The following SCCPDH variants were observed in gnomAD, a reference collection of about 807,000 sequenced individuals.
The protein encoded by SCCPDH is saccharopine dehydrogenase-like oxidoreductase.
Under a neutral mutation model 51.5 loss-of-function variants are expected in SCCPDH, and 34 were observed. The observed-to-expected ratio is 0.66, with a 90% CI of 0.50 to 0.88. The LOEUF is 0.88. Among genes scored for constraint, SCCPDH ranks in the 40% least tolerant of loss-of-function variants. The pLI, the probability that SCCPDH is intolerant of heterozygous loss-of-function variation, is 0.00. For synonymous variants in SCCPDH, 187 were observed against 191.3 expected (o/e 0.98, Z 0.19); for missense variants, 464 against 527.1 (o/e 0.88, Z 1.17).
intron 4 of SCCPDH, among the ~76,000 whole-genome samples, chr1:246,742,712 C>T (rs1668698847): frequency 6.6e-6 from 1 of 152,154 alleles, no homozygotes; most frequent in African/African-American, 2.4e-5. Flanking sequence ...TGTAAGGCCC[C>T]ATGTTTTAAT....
intron 5 of SCCPDH, among the ~76,000 whole-genome samples, chr1:246,745,229 G>C (rs192430601): frequency 6.6e-6 from 1 of 152,286 alleles, no homozygotes; most frequent in African/African-American, 2.4e-5. Flanking sequence ...TTGCATTTCT[G>C]GGAAAGGACC....
rs3007322 is a variant in SCCPDH at position 246,740,352 on chromosome 1, G to T, written c.514+51G>T. On this transcript the variant is annotated intron_variant, in intron 4 of 11. Coordinates refer to ENST00000366510, the MANE Select transcript of SCCPDH (RefSeq NM_016002.3). ...TGGAATTTAACAGTACCGTGCAAAG[G>T]CTTCATGTTTCTAACTGTGGTGAAC... The T allele has an allele frequency of 1.4e-4, 211 of 1,460,990 alleles. 1 individual carries two copies. In the African/African-American group the frequency reaches 2.8e-3, roughly 19 times the overall value. The allele number at this position is 1,460,990 out of a possible 1,614,324, so 90.5% of individuals were successfully genotyped here.
At chr1:246,730,127 A>T (rs1352173839) in intron 2 of SCCPDH, among the ~76,000 whole-genome samples, 1 of 151,962 alleles carries the variant, frequency 6.6e-6, no homozygotes, top group Non-Finnish European at 1.5e-5. Flanking sequence ...AAGAATTCTC[A>T]TGACTCACTA....
In SCCPDH at chr1:246,767,318, T is replaced by C; in HGVS notation, c.*18T>C. On this transcript the variant is annotated 3_prime_UTR_variant, in exon 12 of 12. Transcript: ENST00000366510. The stretch of plus-strand genomic sequence containing the variant: ...AAGTCTAAACACTGGAAGAATTAAC[T>C]GAAGTCATAACGTGCGTGAATTAAC... The C allele has an allele frequency of 6.8e-7, 1 of 1,480,660 alleles. No individual in the cohort carries two copies. The highest frequency in any genetic ancestry group is 9.3e-7 in the Non-Finnish European group (1 of 1,079,352). The allele number at this position is 1,480,660 out of a possible 1,614,324, so 91.7% of individuals were successfully genotyped here. A position where few individuals can be genotyped will look rare whatever the true frequency, so the allele number is the denominator to read the frequency against.
chr1:246,744,475 C>T (rs186839188), intron 5 of SCCPDH, among the ~76,000 whole-genome samples: 300 of 152,084 alleles, frequency 2.0e-3, no homozygotes, highest in Middle Eastern at 0.014. Flanking sequence ...TGTACCACCA[C>T]GCCCGGCTAT....
chr1:246,753,329 C>A (rs1668882659), intron 5 of SCCPDH, among the ~76,000 whole-genome samples: 1 of 152,220 alleles, frequency 6.6e-6, no homozygotes, highest in East Asian at 1.9e-4. Flanking sequence ...ATAGGTTTAT[C>A]TTTCCAGTTC....
chr1:246,759,327 CT>C (rs1668979477), intron 7 of SCCPDH, among the ~76,000 whole-genome samples, 176 bp downstream of exon 7: 1 of 152,158 alleles, frequency 6.6e-6, no homozygotes, highest in African/African-American at 2.4e-5. Context: ...ATAACCTTGT[CT>C]TTTGATTCAG....
At chr1:246,743,529 G>A (rs890043100) in intron 4 of SCCPDH, among the ~76,000 whole-genome samples, 4 of 151,186 alleles carry the variant, frequency 2.6e-5, no homozygotes, top group African/African-American at 9.7e-5. Context: ...GTTGCAGTGA[G>A]CCGAGATCAC....
chr1:246,756,006 T>C (rs1450994533), intron 5 of SCCPDH, among the ~76,000 whole-genome samples: 1 of 152,184 alleles, frequency 6.6e-6, no homozygotes, highest in Admixed American at 6.5e-5. Flanking sequence ...AGATGGATTG[T>C]GGATGCCCTC....
intron 5 of SCCPDH, among the ~76,000 whole-genome samples, chr1:246,751,999 TCTCATCTCCTGAC>T (rs1668858046): frequency 6.6e-6 from 1 of 151,452 alleles, no homozygotes; most frequent in Non-Finnish European, 1.5e-5. Flanking sequence ...GCCAGGATGG[TCTCATCTCCTGAC>T]CTCATGCTTC....
chr1:246,724,413 T>A lies in SCCPDH; in HGVS notation c.-10T>A. 6.4e-7 allele frequency: 1 copy of A among 1,555,878 alleles called. No homozygotes were observed. The highest frequency in any genetic ancestry group is 1.2e-5 in the South Asian group (1 of 84,382). Reference sequence around the variant, plus strand: ...CCCGCCCCGGGGCCTGGGCTCGCTGTGGACTCGTCATGGCGACCGAGCAGA... The same window carrying A: ...CCCGCCCCGGGGCCTGGGCTCGCTGAGGACTCGTCATGGCGACCGAGCAGA... On this transcript the variant is annotated 5_prime_UTR_variant, in exon 1 of 12. Transcript: ENST00000366510.
chr1:246,756,004 T>A (rs564645261), intron 5 of SCCPDH, among the ~76,000 whole-genome samples: 1 of 152,304 alleles, frequency 6.6e-6, no homozygotes, highest in African/African-American at 2.4e-5. Flanking sequence ...TTAGATGGAT[T>A]GTGGATGCCC....
intron 2 of SCCPDH, among the ~76,000 whole-genome samples, chr1:246,734,441 G>A (rs1287186779): frequency 6.6e-6 from 1 of 152,210 alleles, no homozygotes; most frequent in Non-Finnish European, 1.5e-5. Flanking sequence ...TTCCAGGTGT[G>A]AACTTGGGTC....
chr1:246,764,724 C>A (rs1387128039), intron 10 of SCCPDH, among the ~76,000 whole-genome samples: 1 of 152,192 alleles, frequency 6.6e-6, no homozygotes, highest in East Asian at 1.9e-4. Context: ...TCTCTGAACA[C>A]CCTGACATTG....
chr1:246,747,603 C>T (rs1668780956), intron 5 of SCCPDH, among the ~76,000 whole-genome samples: 1 of 152,164 alleles, frequency 6.6e-6, no homozygotes, highest in African/African-American at 2.4e-5. Flanking sequence ...GTGGATGGAG[C>T]AATGGTGAGA....
At chr1:246,724,725 C>A in intron 1 of SCCPDH, 113 bp downstream of exon 1, 1 of 945,796 alleles carries the variant, frequency 1.1e-6, no homozygotes, top group Non-Finnish European at 1.5e-6. Flanking sequence ...CCGAGCCCTG[C>A]GTGAGGACAA....
At chr1:246,746,248 C>T (rs959156028) in intron 5 of SCCPDH, among the ~76,000 whole-genome samples, 7 of 151,900 alleles carry the variant, frequency 4.6e-5, no homozygotes, top group African/African-American at 1.2e-4. Context: ...AGGGGGTCCA[C>T]GTGAGAGGAT....
At chr1:246,748,898 C>T (rs980251253) in intron 5 of SCCPDH, among the ~76,000 whole-genome samples, 33 of 152,194 alleles carry the variant, frequency 2.2e-4, no homozygotes, top group African/African-American at 6.3e-4. Flanking sequence ...CCACCACGCA[C>T]CTGCTCGAGG....
intron 9 of SCCPDH, among the ~76,000 whole-genome samples, chr1:246,763,935 G>A (rs535996420): frequency 5.9e-5 from 9 of 151,696 alleles, no homozygotes; most frequent in Non-Finnish European, 1.2e-4. Flanking sequence ...TTGTCTTGTC[G>A]CCTCAAATAG....
Sources: gnomAD v4.1 joint callset for allele counts (sites outside exome capture counted in the v4.1 genomes callset) on GRCh38, gnomAD v4.1.1 for gene constraint, MANE v1.5 for transcripts, NCBI Gene and HGNC (gene_info 2026-07-23, HGNC 2026-07-21) for gene names.